The following ZFHX3 variants were observed in gnomAD, a reference collection of about 807,000 sequenced individuals.
ZFHX3 encodes zinc finger homeobox protein 3.
In ZFHX3, 42 loss-of-function variants were observed where a neutral mutation model predicts 279.1. The observed-to-expected ratio is 0.15, with a 90% CI of 0.12 to 0.19. The LOEUF is 0.19. ZFHX3 is among the 10% of genes least tolerant of loss of function. ZFHX3 has a pLI of 1.00. For synonymous variants in ZFHX3, 2,293 were observed against 1,957.8 expected, an observed-to-expected ratio of 1.17 and a Z score of -4.52; for missense variants, 4,981 against 4,754.0, an observed-to-expected ratio of 1.05 and a Z score of -1.40.
intron 7 of ZFHX3, chr16:72,809,276 C>T (rs2036366691): frequency 6.6e-6 from 1 of 152,172 alleles, no homozygotes; most frequent in African/African-American, 2.4e-5. Flanking sequence ...AAAATAATCA[C>T]CTGAGTAAAA....
chr16:73,551,683 C>A (rs2020206469), intron 2 of ZFHX3, among the ~76,000 whole-genome samples: 1 of 152,162 alleles, frequency 6.6e-6, no homozygotes, highest in African/African-American at 2.4e-5. Flanking sequence ...AAGATTACAT[C>A]TCATTTTCAT....
intron 1 of ZFHX3, among the ~76,000 whole-genome samples, chr16:73,683,721 G>C (rs990658814): frequency 2.0e-5 from 3 of 152,084 alleles, no homozygotes; most frequent in African/African-American, 7.2e-5. Flanking sequence ...ATCTCCCTTT[G>C]CAGCAAAAGA....
chr16:73,786,348 C>T (rs1250060835), intron 1 of ZFHX3, among the ~76,000 whole-genome samples: 1 of 152,002 alleles, frequency 6.6e-6, no homozygotes, highest in African/African-American at 2.4e-5. Context: ...TAAAGTTTCC[C>T]TCAAATGTCT....
At chr16:73,696,659 T>C (rs561829548) in intron 1 of ZFHX3, among the ~76,000 whole-genome samples, 8 of 152,340 alleles carry the variant, frequency 5.3e-5, no homozygotes, top group Non-Finnish European at 1.2e-4. Context: ...TTGTATGTAA[T>C]GTCAGCCCCG....
At chr16:72,949,910 T>TC (rs1960895968) in intron 3 of ZFHX3, among the ~76,000 whole-genome samples, 2 of 129,358 alleles carry the variant, frequency 1.5e-5, no homozygotes, top group African/African-American at 5.6e-5. Context: ...GATTTTCTTT[T>TC]CTTTTTTTTT....
chr16:73,565,954 TG>T (rs913696404), intron 2 of ZFHX3, among the ~76,000 whole-genome samples: 5 of 152,076 alleles, frequency 3.3e-5, no homozygotes, highest in African/African-American at 4.8e-5. Context: ...TGGGCCGGGA[TG>T]GGGGGGATCC....
chr16:72,932,349 G>A (rs925015282), intron 3 of ZFHX3, among the ~76,000 whole-genome samples: 3 of 152,096 alleles, frequency 2.0e-5, no homozygotes, highest in African/African-American at 7.2e-5. Context: ...GGGAAGGGGT[G>A]GAGCAAGCCA....
chr16:72,821,593 C>A (rs188432739), intron 5 of ZFHX3, among the ~76,000 whole-genome samples: 1 of 152,270 alleles, frequency 6.6e-6, no homozygotes, highest in Admixed American at 6.5e-5. Flanking sequence ...TCTCTTTACC[C>A]GAAGGCATCA....
intron 1 of ZFHX3, among the ~76,000 whole-genome samples, chr16:73,751,341 G>T (rs1405299938): frequency 1.3e-5 from 2 of 152,158 alleles, no homozygotes. Flanking sequence ...ACTAAATTAG[G>T]GAGCCATGAG....
chr16:73,097,520 A>G (rs532260722), intron 7 of ZFHX3, among the ~76,000 whole-genome samples: 48 of 152,276 alleles, frequency 3.2e-4, no homozygotes, highest in Non-Finnish European at 6.2e-4. Context: ...ATTTATATAT[A>G]CATATGTCTC....
At chr16:73,194,838 G>A (rs1175989434) in intron 5 of ZFHX3, among the ~76,000 whole-genome samples, 1 of 152,166 alleles carries the variant, frequency 6.6e-6, no homozygotes, top group South Asian at 2.1e-4. Flanking sequence ...TGGAGAAATG[G>A]AAGGTCAAAG....
chr16:73,209,334 A>G (rs956010890), intron 5 of ZFHX3, among the ~76,000 whole-genome samples: 5 of 152,178 alleles, frequency 3.3e-5, no homozygotes, highest in African/African-American at 4.8e-5. Context: ...TAGCCTGGGT[A>G]ATTTATGAAC....
intron 4 of ZFHX3, among the ~76,000 whole-genome samples, chr16:73,289,077 G>T (rs764837147): frequency 1.3e-5 from 2 of 151,226 alleles, no homozygotes; most frequent in African/African-American, 2.4e-5. Context: ...TCAAAGGAAA[G>T]CAGAAAGTGT....
At chr16:73,597,341 A>G (rs948797516) in intron 2 of ZFHX3, among the ~76,000 whole-genome samples, 3 of 152,116 alleles carry the variant, frequency 2.0e-5, no homozygotes, top group Non-Finnish European at 4.4e-5. Context: ...TAGACTATCT[A>G]TTTAGGTTTG....
chr16:72,939,429 A>T (rs1960299960), intron 3 of ZFHX3, among the ~76,000 whole-genome samples: 2 of 152,252 alleles, frequency 1.3e-5, no homozygotes, highest in Non-Finnish European at 2.9e-5. Context: ...CCACTCTGCT[A>T]AGACACTCCC....
chr16:72,910,041 C>G (rs1364634041), intron 3 of ZFHX3, among the ~76,000 whole-genome samples: 3 of 152,132 alleles, frequency 2.0e-5, no homozygotes. Context: ...TCAAGGCTTT[C>G]GAACCTAACT....
At chr16:73,355,262 T>C (rs1050204179) in intron 3 of ZFHX3, among the ~76,000 whole-genome samples, 4 of 152,232 alleles carry the variant, frequency 2.6e-5, no homozygotes, top group African/African-American at 9.6e-5. Context: ...CTTCTCTTCT[T>C]ATGTATGTTT....
intron 8 of ZFHX3, among the ~76,000 whole-genome samples, chr16:73,080,998 C>A (rs1056368164): frequency 6.6e-6 from 1 of 152,196 alleles, no homozygotes; most frequent in African/African-American, 2.4e-5. Context: ...TTTTCAGGTC[C>A]AAGGTCAAGA....
intron 3 of ZFHX3, among the ~76,000 whole-genome samples, chr16:72,930,465 T>C (rs575808720): frequency 8.2e-4 from 125 of 152,044 alleles, no homozygotes; most frequent in African/African-American, 2.8e-3. Flanking sequence ...TTCTGTGTGA[T>C]CTCTTGCAGA....
Sources: gnomAD v4.1 joint callset for allele counts (sites outside exome capture counted in the v4.1 genomes callset) on GRCh38, gnomAD v4.1.1 for gene constraint, MANE v1.5 for transcripts, NCBI Gene and HGNC (gene_info 2026-07-23, HGNC 2026-07-21) for gene names.